Variants in PHF21A observed in about 807,000 individuals in gnomAD.
PHF21A encodes the protein PHD finger protein 21A.
In PHF21A, 11 loss-of-function variants were observed where a neutral mutation model predicts 82.5. That is an observed-to-expected ratio of 0.13 (90% confidence interval 0.08 to 0.22). The LOEUF (loss-of-function observed/expected upper bound fraction) is 0.22. Among genes scored for constraint, PHF21A ranks in the 10% least tolerant of loss-of-function variants. The pLI is 1.00. For synonymous variants in PHF21A, 297 were observed against 302.8 expected, an observed-to-expected ratio of 0.98 and a Z score of 0.20; for missense variants, 579 against 837.8, an observed-to-expected ratio of 0.69 and a Z score of 3.81.
intron 3 of PHF21A, among the ~76,000 whole-genome samples, chr11:46,089,348 A>G (rs1320521674): frequency 6.6e-6 from 1 of 152,214 alleles, no homozygotes; most frequent in Non-Finnish European, 1.5e-5. Context: ...ATTACCATGA[A>G]TGCAAAAAAT....
chr11:46,028,501 C>T (rs996762081), intron 6 of PHF21A, among the ~76,000 whole-genome samples: 2 of 151,562 alleles, frequency 1.3e-5, no homozygotes, highest in East Asian at 3.9e-4. Context: ...TCTAAGACTT[C>T]CTGATTCTGT....
intron 5 of PHF21A, among the ~76,000 whole-genome samples, chr11:46,078,727 A>C (rs1158295578): frequency 6.6e-6 from 1 of 152,176 alleles, no homozygotes; most frequent in Non-Finnish European, 1.5e-5. Context: ...TACTATTCAA[A>C]TGTTCTATAA....
chr11:46,067,025 C>G (rs1003022571), intron 6 of PHF21A, among the ~76,000 whole-genome samples: 8 of 152,190 alleles, frequency 5.3e-5, no homozygotes, highest in Admixed American at 5.2e-4. Flanking sequence ...TTTTTAACAG[C>G]TACATGTTAT....
At position 46,051,504 on chromosome 11, in the gene PHF21A, G is replaced by C. The variant is rs145770442; in HGVS notation, c.153+25250C>G. Among the ~76,000 whole-genome samples, 934 of 152,232 alleles carry C rather than the reference G, an allele frequency of 6.1e-3. 6 individuals are homozygous for C. The highest frequency in any genetic ancestry group is 9.9e-3 in the Non-Finnish European group (672 of 68,012). ...GTGTCCAGACTCCTTCTGGGGCCTC[G>C]AGAGATAAATGGGTTGAAATTGCCT... is the stretch of plus-strand genomic sequence containing the variant. On this transcript the variant is annotated intron_variant, in intron 6 of 18. Transcript: ENST00000676320.
chr11:45,982,187 G>C (rs904831480), intron 6 of PHF21A, among the ~76,000 whole-genome samples: 4 of 151,912 alleles, frequency 2.6e-5, no homozygotes, highest in African/African-American at 9.7e-5. Flanking sequence ...AAACTCCTGA[G>C]CTCATGCAAT....
At chr11:45,986,148 T>C (rs899868628) in intron 6 of PHF21A, among the ~76,000 whole-genome samples, 3 of 143,796 alleles carry the variant, frequency 2.1e-5, no homozygotes, top group Admixed American at 1.4e-4. Context: ...CTCATCTCCA[T>C]AGGAGATGAG....
intron 1 of PHF21A, among the ~76,000 whole-genome samples, chr11:46,099,121 T>C (rs768025889): frequency 3.3e-5 from 5 of 152,178 alleles, no homozygotes; most frequent in Admixed American, 6.5e-5. Flanking sequence ...AATTAGTGAA[T>C]TGCTAGAGAA....
At position 45,979,755 on chromosome 11, in the gene PHF21A, T is replaced by C. The variant is rs1212702068; in HGVS notation, c.360+5A>G. ...CAGCCTGCAATGTTCCATCCACACA[T>C]TTACCTGTGAAGCAGTCAGGTTGGG... On this transcript the variant is annotated splice_donor_5th_base_variant and intron_variant, in intron 7 of 18. Transcript: ENST00000676320. 2.4e-5 allele frequency: 39 copies of C among 1,613,372 alleles called. No homozygotes were observed. The highest frequency in any genetic ancestry group is 3.2e-5 in the Non-Finnish European group (38 of 1,180,026).
intron 6 of PHF21A, among the ~76,000 whole-genome samples, chr11:46,049,889 G>A (rs1222637966): frequency 6.6e-6 from 1 of 152,130 alleles, no homozygotes; most frequent in African/African-American, 2.4e-5. Flanking sequence ...AAAAGCAACA[G>A]AATCAAGAGA....
chr11:46,014,697 G>GACTGGTGTAAAGT (rs1591995909), intron 6 of PHF21A, among the ~76,000 whole-genome samples: 5 of 116,506 alleles, frequency 4.3e-5, no homozygotes, highest in African/African-American at 1.8e-4. Flanking sequence ...TAGTTATTCT[G>GACTGGTGTAAAGT]GGGCCGGGCG....
chr11:46,064,827 T>C (rs2096576338), intron 6 of PHF21A, among the ~76,000 whole-genome samples: 1 of 152,218 alleles, frequency 6.6e-6, no homozygotes, highest in Non-Finnish European at 1.5e-5. Flanking sequence ...ATTACATTAT[T>C]TTCTGTAATG....
At chr11:46,056,780 T>G (rs2096463982) in intron 6 of PHF21A, among the ~76,000 whole-genome samples, 1 of 152,116 alleles carries the variant, frequency 6.6e-6, no homozygotes, top group Non-Finnish European at 1.5e-5. Flanking sequence ...ACTTTAAGAT[T>G]AGCTATAGAA....
At chr11:46,030,946 C>T (rs1409188486) in intron 6 of PHF21A, among the ~76,000 whole-genome samples, 1 of 151,582 alleles carries the variant, frequency 6.6e-6, no homozygotes, top group Non-Finnish European at 1.5e-5. Flanking sequence ...AAAACAGTAG[C>T]ATCTATCAAT....
At chr11:46,088,802 G>A (rs1313657038) in intron 3 of PHF21A, among the ~76,000 whole-genome samples, 1 of 152,020 alleles carries the variant, frequency 6.6e-6, no homozygotes, top group Non-Finnish European at 1.5e-5. Flanking sequence ...GAAGACTGTA[G>A]GCTTTTCTGT....
intron 6 of PHF21A, among the ~76,000 whole-genome samples, chr11:46,019,136 AC>A (rs1291809042): frequency 5.3e-5 from 8 of 151,756 alleles, no homozygotes; most frequent in Non-Finnish European, 8.8e-5. Flanking sequence ...CCATTTGCAA[AC>A]TTTTGTGGCT....
At chr11:46,071,792 A>G (rs2096659436) in intron 6 of PHF21A, among the ~76,000 whole-genome samples, 1 of 152,178 alleles carries the variant, frequency 6.6e-6, no homozygotes, top group South Asian at 2.1e-4. Flanking sequence ...AAAAATCATG[A>G]TATAGCCAAT....
At position 45,938,251 on chromosome 11, in the gene PHF21A, T is replaced by C. The variant is rs758378001; in HGVS notation, c.1514A>G (p.Asp505Gly). Reference protein sequence around the residue: ...CRKSGQLLMCDTCSRVYHLDC... With the variant: ...CRKSGQLLMCGTCSRVYHLDC... ...CAAATGATATACACGGGAACATGTG[T>C]CGCACATCAGTAACTGGCCACTTTT... Residue 505 changes from aspartate (D) to glycine (G), a missense_variant, in exon 16 of 19, where the codon GAC becomes GGC. Transcript: ENST00000676320. The C allele has an allele frequency of 6.2e-7, 1 of 1,611,956 alleles. No homozygotes were observed. Among genetic ancestry groups the C allele is most frequent in the East Asian group, 2.2e-5 (1 of 44,858 alleles).
rs150501546 is a variant in PHF21A, at chr11:46,022,971, G to A, written c.154-43005C>T. On this transcript the variant is annotated intron_variant, in intron 6 of 18. Coordinates refer to ENST00000676320, the MANE Select transcript of PHF21A (RefSeq NM_001352027.3). The stretch of plus-strand genomic sequence containing the variant: ...TCGCCATCTTGGCCAGGCTGGTCTC[G>A]AACTCCTGATCTCAGGTGATCTGTC... Among the ~76,000 whole-genome samples, 557 of 152,138 alleles carry A rather than the reference G, an allele frequency of 3.7e-3. 3 individuals are homozygous for A. The highest frequency in any genetic ancestry group is 0.012 in the African/African-American group (510 of 41,500).
intron 6 of PHF21A, among the ~76,000 whole-genome samples, chr11:46,035,961 T>C (rs529352106): frequency 6.6e-6 from 1 of 152,260 alleles, no homozygotes; most frequent in African/African-American, 2.4e-5. Flanking sequence ...TTTTTGAAGA[T>C]TCACTCTAGC....
Sources: gnomAD v4.1 joint callset for allele counts (sites outside exome capture counted in the v4.1 genomes callset) on GRCh38, gnomAD v4.1.1 for gene constraint, MANE v1.5 for transcripts, NCBI Gene and HGNC (gene_info 2026-07-23, HGNC 2026-07-21) for gene names.